The following CACNB2 variants were observed in gnomAD, a reference collection of about 807,000 sequenced individuals.
CACNB2 encodes the protein voltage-dependent L-type calcium channel subunit beta-2.
A neutral mutation model predicts 73.3 loss-of-function variants in CACNB2; 42 were observed. That is an observed-to-expected ratio of 0.57 (90% confidence interval 0.45 to 0.74). The LOEUF (loss-of-function observed/expected upper bound fraction) is 0.74, where lower values mean the gene tolerates loss of function less well. CACNB2 is among the 30% of genes least tolerant of loss of function. The pLI is 0.00. For synonymous variants in CACNB2, 348 were observed against 310.3 expected, an observed-to-expected ratio of 1.12 and a Z score of -1.28; for missense variants, 940 against 853.0, an observed-to-expected ratio of 1.10 and a Z score of -1.27.
intron 2 of CACNB2, among the ~76,000 whole-genome samples, chr10:18,353,770 C>T (rs1306141921): frequency 6.6e-6 from 1 of 152,180 alleles, no homozygotes; most frequent in African/African-American, 2.4e-5. Flanking sequence ...TTATACTGCT[C>T]TATGGCAGCT....
chr10:18,320,862 A>C (rs192562062), intron 2 of CACNB2, among the ~76,000 whole-genome samples: 1 of 152,324 alleles, frequency 6.6e-6, no homozygotes, highest in East Asian at 1.9e-4. Flanking sequence ...TGCTCTCAAT[A>C]GTCATTTCAT....
chr10:18,510,708 T>C (rs2050723176), intron 6 of CACNB2, among the ~76,000 whole-genome samples: 1 of 152,236 alleles, frequency 6.6e-6, no homozygotes, highest in Non-Finnish European at 1.5e-5. Context: ...CCAAGGGTCC[T>C]GTAAATTCTG....
intron 3 of CACNB2, among the ~76,000 whole-genome samples, chr10:18,462,533 G>A (rs867179280): frequency 2.0e-5 from 3 of 152,074 alleles, no homozygotes; most frequent in African/African-American, 7.2e-5. Flanking sequence ...GGGATTATGG[G>A]CATGAACCAC....
chr10:18,297,361 C>T (rs1225650041), intron 2 of CACNB2, among the ~76,000 whole-genome samples: 1 of 152,122 alleles, frequency 6.6e-6, no homozygotes, highest in African/African-American at 2.4e-5. Flanking sequence ...CTGGGCAACA[C>T]AGCAAGACCC....
chr10:18,379,911 T>C (rs1411001270), intron 2 of CACNB2, among the ~76,000 whole-genome samples: 2 of 152,172 alleles, frequency 1.3e-5, no homozygotes, highest in Admixed American at 6.5e-5. Context: ...GGTCTCAGAC[T>C]CCTGGGCTCA....
chr10:18,235,124 C>T (rs1317594322), intron 2 of CACNB2, among the ~76,000 whole-genome samples: 2 of 136,520 alleles, frequency 1.5e-5, no homozygotes, highest in Non-Finnish European at 3.1e-5. Flanking sequence ...GCCTGGGCGA[C>T]AGAGCGAGAC....
chr10:18,381,228 G>A (rs2043001620), intron 2 of CACNB2, among the ~76,000 whole-genome samples: 2 of 150,800 alleles, frequency 1.3e-5, no homozygotes, highest in Admixed American at 1.3e-4. Flanking sequence ...GTTCATTTTG[G>A]CCGGGTGCGG....
chr10:18,156,352 T>C (rs962569240), intron 2 of CACNB2, among the ~76,000 whole-genome samples: 7 of 152,244 alleles, frequency 4.6e-5, no homozygotes, highest in African/African-American at 1.7e-4. Flanking sequence ...CACCATTAGT[T>C]AGTCAATTAA....
rs769211879 is a variant in CACNB2 at position 18,150,879 on chromosome 10, T to TTTTTTTTTTTTTTTG, written c.121-3_121-2insTTTTTTTTTTTTTGT. The TTTTTTTTTTTTTTTG allele has an allele frequency of 2.5e-4, 309 of 1,259,756 alleles. 21 individuals are homozygous for TTTTTTTTTTTTTTTG. Among genetic ancestry groups the TTTTTTTTTTTTTTTG allele is most frequent in the East Asian group, 5.3e-4 (21 of 39,612 alleles). 78.0% of individuals were successfully genotyped at this position (1,259,756 alleles called of 1,614,324 possible). On this transcript the variant is annotated splice_polypyrimidine_tract_variant and splice_region_variant and intron_variant, in intron 1 of 13. Transcript: ENST00000324631. ...TCTTTTTTTTTTTTTTTTTTTTTTT[T>TTTTTTTTTTTTTTTG]TAGTCATATGGAAAAGGAGCCAGAA...
intron 2 of CACNB2, among the ~76,000 whole-genome samples, chr10:18,155,987 T>C (rs1361584229): frequency 2.0e-5 from 3 of 151,924 alleles, no homozygotes; most frequent in African/African-American, 7.3e-5. Flanking sequence ...CAGAGCATTT[T>C]ATTACTCTTT....
At chr10:18,358,524 C>T (rs1346738905) in intron 2 of CACNB2, among the ~76,000 whole-genome samples, 2 of 36,426 alleles carry the variant, frequency 5.5e-5, no homozygotes, top group African/African-American at 1.9e-4. Context: ...CTCTCTCTCT[C>T]TCTCTCTCTC....
At chr10:18,277,430 G>T (rs1266710099) in intron 2 of CACNB2, among the ~76,000 whole-genome samples, 2 of 152,232 alleles carry the variant, frequency 1.3e-5, no homozygotes, top group Non-Finnish European at 2.9e-5. Flanking sequence ...CCGGCCCCTT[G>T]TGGGGACTTC....
intron 2 of CACNB2, among the ~76,000 whole-genome samples, chr10:18,271,251 G>A (rs772796260): frequency 6.6e-6 from 1 of 152,086 alleles, no homozygotes; most frequent in South Asian, 2.1e-4. Flanking sequence ...CTCTTTTCCC[G>A]ATTTAGATGA....
At chr10:18,194,589 A>G (rs1160294108) in intron 2 of CACNB2, among the ~76,000 whole-genome samples, 2 of 152,220 alleles carry the variant, frequency 1.3e-5, no homozygotes, top group Non-Finnish European at 2.9e-5. Flanking sequence ...CCTCTTTTAA[A>G]TCAGACCTGT....
intron 2 of CACNB2, among the ~76,000 whole-genome samples, chr10:18,257,831 C>T (rs1163416966): frequency 6.6e-6 from 1 of 152,152 alleles, no homozygotes; most frequent in Non-Finnish European, 1.5e-5. Context: ...GCAACCTCTG[C>T]CTCTCAGGTT....
intron 3 of CACNB2, among the ~76,000 whole-genome samples, chr10:18,423,701 A>G (rs987389960): frequency 6.6e-6 from 1 of 152,198 alleles, no homozygotes; most frequent in African/African-American, 2.4e-5. Flanking sequence ...ATATAGTAAC[A>G]TAAAGGACTC....
At chr10:18,313,585 C>T (rs2040043217) in intron 2 of CACNB2, among the ~76,000 whole-genome samples, 3 of 152,062 alleles carry the variant, frequency 2.0e-5, no homozygotes, top group African/African-American at 7.2e-5. Flanking sequence ...TGGAATATCT[C>T]AACACTTCCT....
At chr10:18,471,154 A>C (rs1589451831) in intron 3 of CACNB2, among the ~76,000 whole-genome samples, 1 of 152,204 alleles carries the variant, frequency 6.6e-6, no homozygotes, top group East Asian at 1.9e-4. Context: ...AAAATACAAA[A>C]AATTAGCTGG....
At chr10:18,484,893 G>A (rs1237352437) in intron 3 of CACNB2, among the ~76,000 whole-genome samples, 4 of 152,110 alleles carry the variant, frequency 2.6e-5, no homozygotes, top group Admixed American at 1.3e-4. Context: ...GATGGCTCAC[G>A]CCTGTAATCT....
Sources: allele counts gnomAD v4.1 joint callset (sites outside exome capture counted in the v4.1 genomes callset), GRCh38; gene constraint gnomAD v4.1.1; transcripts MANE v1.5; gene names NCBI Gene and HGNC (gene_info 2026-07-23, HGNC 2026-07-21).